USH2A: variants seen among roughly 807,000 people sequenced by gnomAD.
USH2A encodes Usher syndrome 2A (autosomal recessive, mild).
Under a neutral mutation model 538.9 loss-of-function variants are expected in USH2A, and 443 were observed. That is an observed-to-expected ratio of 0.82 (90% CI 0.76 to 0.89). The LOEUF is 0.89. USH2A is among the 40% of genes least tolerant of loss of function. USH2A has a pLI of 0.00. For missense variants in USH2A, 6,633 were observed against 6,324.8 expected (o/e 1.05, Z -1.65); for synonymous variants, 2,413 against 2,273.5 (o/e 1.06, Z -1.75).
At chr1:216,373,461 G>GT (rs1184988124) in intron 3 of USH2A, among the ~76,000 whole-genome samples, 3 of 151,990 alleles carry the variant, frequency 2.0e-5, no homozygotes, top group Non-Finnish European at 4.4e-5. Context: ...AGTAGTTTCT[G>GT]TTTTTTATTA....
chr1:215,758,540 T>C, intron 58 of USH2A, 55 bp downstream of exon 58: 1 of 1,570,558 alleles, frequency 6.4e-7, no homozygotes, highest in East Asian at 2.2e-5. Context: ...TTATCTCTAA[T>C]TAATTCCTTT....
intron 60 of USH2A, among the ~76,000 whole-genome samples, chr1:215,735,502 T>C (rs1038052102): frequency 3.3e-5 from 5 of 152,172 alleles, no homozygotes; most frequent in African/African-American, 1.2e-4. Flanking sequence ...GAGACAGTGA[T>C]GATAGATTTG....
chr1:215,722,487 A>C (rs574001681), intron 61 of USH2A, among the ~76,000 whole-genome samples: 1 of 152,378 alleles, frequency 6.6e-6, no homozygotes, highest in Non-Finnish European at 1.5e-5. Flanking sequence ...ACTCTTCATA[A>C]CATGGCAATT....
Position 215,634,603 on chromosome 1 carries a change from G to A in USH2A, c.15153C>T (p.Gly5051=), listed in dbSNP as rs1219959822. ...ACAGAAAAATGGCCAACAAGATCAA[G>A]CCCAGCATCGCCATTAACACTATGA... ...LWFIVLMAML[G]LILLAIFLSL... is the part of the protein sequence containing the mutation. Residue 5051 remains glycine, a synonymous_variant, in exon 70 of 72, where the codon GGC becomes GGT. Transcript: ENST00000307340. The A allele has an allele frequency of 1.9e-6, 3 of 1,614,190 alleles. No homozygotes were observed. The South Asian group carries it at 3.3e-5, about 18-fold the overall frequency.
chr1:216,321,248 G>A (rs2037603806), intron 9 of USH2A, among the ~76,000 whole-genome samples: 2 of 152,076 alleles, frequency 1.3e-5, no homozygotes, highest in South Asian at 4.1e-4. Flanking sequence ...TATTTCTGAT[G>A]TTGTTGCTAG....
In USH2A at chr1:216,073,370, C is replaced by T. The variant is rs563340852; in HGVS notation, c.5573-70G>A. 8.4e-5 allele frequency: 127 copies of T among 1,517,514 alleles called. 2 individuals are homozygous for T. In the South Asian group the frequency reaches 1.4e-3, roughly 16 times the overall value. 94.0% of individuals were successfully genotyped at this position (1,517,514 alleles called of 1,614,324 possible). On this transcript the variant is annotated intron_variant, in intron 27 of 71. Transcript: ENST00000307340. ...ATTAATTACCAATCATTTTTGTCCT[C>T]TGCAGCACTACATTTTGAGGAAGGG...
chr1:216,045,665 T>C (rs116840201), intron 32 of USH2A, among the ~76,000 whole-genome samples: 2,603 of 152,278 alleles, frequency 0.017, 38 homozygotes, highest in Non-Finnish European at 0.025. Context: ...TGGCTCCCAA[T>C]TTCAATCCTT....
At chr1:216,321,809 T>A (rs2037614698) in intron 9 of USH2A, 74 bp downstream of exon 9, 3 of 1,322,492 alleles carry the variant, frequency 2.3e-6, no homozygotes, top group Non-Finnish European at 3.3e-6. Context: ...TAGGCCAAGA[T>A]TAAGTTCATA....
chr1:215,740,175 C>T (rs1177217745), intron 60 of USH2A, among the ~76,000 whole-genome samples: 1 of 152,042 alleles, frequency 6.6e-6, no homozygotes, highest in South Asian at 2.1e-4. Context: ...TTCTCTTCTT[C>T]TCTCCCTCCC....
chr1:216,391,481 T>G (rs1346305180), intron 3 of USH2A, among the ~76,000 whole-genome samples: 1 of 152,238 alleles, frequency 6.6e-6, no homozygotes, highest in Non-Finnish European at 1.5e-5. Flanking sequence ...AATATAGATT[T>G]GATTGACAGG....
At chr1:216,173,672 A>G (rs1194080216) in intron 21 of USH2A, among the ~76,000 whole-genome samples, 1 of 152,158 alleles carries the variant, frequency 6.6e-6, no homozygotes, top group East Asian at 1.9e-4. Context: ...GATAGCGAGG[A>G]TGACCAAATT....
At chr1:216,358,833 T>C in intron 4 of USH2A, among the ~76,000 whole-genome samples, 1 of 152,162 alleles carries the variant, frequency 6.6e-6, no homozygotes, top group East Asian at 1.9e-4. Flanking sequence ...CTACACAGTT[T>C]AAAAATATCA....
Position 216,198,569 on chromosome 1 carries a change from T to C in USH2A, c.3827A>G (p.Tyr1276Cys). Residue 1276 changes from tyrosine to cysteine, a missense_variant, in exon 18 of 72, where the codon TAT (tyrosine) becomes TGT (cysteine). Coordinates refer to ENST00000307340, the MANE Select transcript of USH2A (RefSeq NM_206933.4). ...TCTCAGTCTTCTCATGTATAGTTCA[T>C]ATCTTATAATTATTCCTAGAGAAAT... ...PAELNGIIIR[Y>C]ELYMRRLRST... 2 of 1,613,138 alleles carry C rather than the reference T, an allele frequency of 1.2e-6. No individual in the cohort carries two copies. The highest frequency in any genetic ancestry group is 1.3e-5 in the African/African-American group (1 of 75,060).
intron 47 of USH2A, among the ~76,000 whole-genome samples, chr1:215,825,050 T>G (rs957483881): frequency 4.6e-5 from 7 of 152,192 alleles, no homozygotes; most frequent in Non-Finnish European, 1.0e-4. Flanking sequence ...GTCATCATTT[T>G]GGAACTGGAA....
At position 216,191,501 on chromosome 1, in the gene USH2A, G is replaced by C. The variant is rs11801909; in HGVS notation, c.4252-1134C>G. On this transcript the variant is annotated intron_variant, in intron 19 of 71. Coordinates refer to ENST00000307340, the MANE Select transcript of USH2A (RefSeq NM_206933.4). ...TGTTTTTAAAGATTCTAAAACTCTAGGAATAATTTAAATTTAAAACTTTAA... is the reference window on the plus strand; with the variant it reads ...TGTTTTTAAAGATTCTAAAACTCTACGAATAATTTAAATTTAAAACTTTAA... Among the ~76,000 whole-genome samples, 580 of 151,854 alleles carry C rather than the reference G, an allele frequency of 3.8e-3. 6 individuals carry two copies. Among genetic ancestry groups the C allele is most frequent in the African/African-American group, 0.013 (553 of 41,492 alleles).
chr1:216,217,259 T>C, intron 15 of USH2A, 128 bp downstream of exon 15: 2 of 1,188,818 alleles, frequency 1.7e-6, no homozygotes, highest in Non-Finnish European at 2.4e-6. Context: ...TTTTTCCATC[T>C]CTTACCTACG....
chr1:215,826,328 T>A (rs956457942), intron 47 of USH2A, among the ~76,000 whole-genome samples: 3 of 152,216 alleles, frequency 2.0e-5, no homozygotes, highest in Non-Finnish European at 4.4e-5. Flanking sequence ...AATTTGGCTA[T>A]TCAAAGATTC....
intron 50 of USH2A, among the ~76,000 whole-genome samples, chr1:215,795,767 T>G (rs1662108885): frequency 1.3e-5 from 2 of 152,136 alleles, no homozygotes; most frequent in Non-Finnish European, 2.9e-5. Flanking sequence ...ACTAATTAGT[T>G]GCCATAATTT....
At chr1:215,907,966 T>A (rs1460869098) in intron 38 of USH2A, among the ~76,000 whole-genome samples, 4 of 152,058 alleles carry the variant, frequency 2.6e-5, no homozygotes, top group African/African-American at 9.7e-5. Context: ...ACATATTTTC[T>A]ATTTACAAAT....
Sources: gnomAD v4.1 joint callset for allele counts (sites outside exome capture counted in the v4.1 genomes callset) on GRCh38, gnomAD v4.1.1 for gene constraint, MANE v1.5 for transcripts, NCBI Gene and HGNC (gene_info 2026-07-23, HGNC 2026-07-21) for gene names.